The following DEFB134 variants were observed in gnomAD, a reference collection of about 807,000 sequenced individuals.
DEFB134 encodes beta-defensin 134.
A neutral mutation model predicts 7.4 loss-of-function variants in DEFB134; 7 were observed. The ratio of observed to expected loss-of-function variants is 0.95; its 90% CI spans 0.54 to 1.79. The LOEUF (loss-of-function observed/expected upper bound fraction) is 1.79, where lower values mean the gene tolerates loss of function less well. DEFB134 is among the 40% of genes most tolerant of loss of function. The pLI, the probability that DEFB134 is intolerant of heterozygous loss-of-function variation, is 0.00. For missense variants in DEFB134, 105 were observed against 74.8 expected (o/e 1.40, Z -1.49); for synonymous variants, 33 against 25.0 (o/e 1.32, Z -0.96).
upstream of DEFB134, among the ~76,000 whole-genome samples, chr8:11,997,875 C>CAG (rs1373668478): frequency 2.0e-5 from 3 of 152,180 alleles, no homozygotes; most frequent in African/African-American, 7.2e-5. Context: ...ATGGACTTAA[C>CAG]AGACATCTAT....
At chr8:12,000,150 G>A (rs1351904848), upstream of DEFB134, among the ~76,000 whole-genome samples, 1 of 152,232 alleles carries the variant, frequency 6.6e-6, no homozygotes, top group Non-Finnish European at 1.5e-5. Flanking sequence ...AGCCAACAGT[G>A]GGAGATGCAG....
Position 11,996,141 on chromosome 8 carries a change from G to T in DEFB134, c.58+53C>A, listed in dbSNP as rs375167225. 4.1e-4 allele frequency: 660 copies of T among 1,598,536 alleles called. 4 individuals are homozygous for T. Among genetic ancestry groups the T allele is most frequent in the African/African-American group, 3.0e-3 (224 of 74,576 alleles). On this transcript the variant is annotated intron_variant, in intron 1 of 1. Coordinates refer to ENST00000526438, the Ensembl canonical transcript of DEFB134. ...TGTATGTTTATTGGGTTGTTTAGTG[G>T]CATTGTTCTTCTATATGAAGCACCC...
intron 1 of DEFB134, among the ~76,000 whole-genome samples, chr8:11,995,229 G>C (rs1431883755): frequency 6.6e-6 from 1 of 152,150 alleles, no homozygotes; most frequent in Non-Finnish European, 1.5e-5. Flanking sequence ...CACTATATGG[G>C]GTTCTTTGTC....
chr8:11,994,924 T>A (rs866560449), intron 1 of DEFB134, among the ~76,000 whole-genome samples: 1 of 151,864 alleles, frequency 6.6e-6, no homozygotes, highest in African/African-American at 2.4e-5. Flanking sequence ...GTCTTGTGAG[T>A]TTGAAGGAGG....
At chr8:11,999,510 A>G (rs1800215961), upstream of DEFB134, 1 of 152,398 alleles carries the variant, frequency 6.6e-6, no homozygotes, top group African/African-American at 2.4e-5. Flanking sequence ...CCCCAAGACC[A>G]TTACAGTGCC....
chr8:11,998,255 C>T (rs1242661026), upstream of DEFB134, among the ~76,000 whole-genome samples: 1 of 151,786 alleles, frequency 6.6e-6, no homozygotes, highest in Non-Finnish European at 1.5e-5. Flanking sequence ...TTAAGGCCAC[C>T]TTGTGCAACA....
intron 1 of DEFB134, among the ~76,000 whole-genome samples, chr8:11,994,339 T>C (rs1468790310): frequency 1.3e-5 from 2 of 152,168 alleles, no homozygotes; most frequent in Non-Finnish European, 2.9e-5. Flanking sequence ...TCTTTAGAGA[T>C]AGGGCCTTCA....
At chr8:11,993,215 G>C (rs1269737999) in exon 2 of DEFB134, 8 of 152,226 alleles carry the variant, frequency 5.3e-5, no homozygotes, top group Non-Finnish European at 1.2e-4. Flanking sequence ...AGCAAAGCAA[G>C]ATCAGCATGG....
upstream of DEFB134, chr8:11,999,410 G>C (rs537098795): frequency 5.6e-6 from 1 of 177,792 alleles, no homozygotes; most frequent in Non-Finnish European, 1.3e-5. Context: ...AAATAATAAA[G>C]CAATATACTT....
chr8:11,996,209 C>A, exon 1 of DEFB134: 2 of 1,613,718 alleles, frequency 1.2e-6, no homozygotes, highest in South Asian at 2.2e-5. Context: ...AGCACTGGAT[C>A]CCAAAGGAAA....
upstream of DEFB134, among the ~76,000 whole-genome samples, chr8:11,997,142 T>G (rs951618905): frequency 6.6e-6 from 1 of 152,240 alleles, no homozygotes; most frequent in African/African-American, 2.4e-5. Context: ...CTTTGTATTT[T>G]CTTGGAATTT....
Sources: allele counts gnomAD v4.1 joint callset (sites outside exome capture counted in the v4.1 genomes callset), GRCh38; gene constraint gnomAD v4.1.1; transcripts MANE v1.5; gene names NCBI Gene and HGNC (gene_info 2026-07-23, HGNC 2026-07-21).